The following DAB1 variants were observed in gnomAD, a reference collection of about 807,000 sequenced individuals.
DAB1 encodes the protein DAB adaptor protein 1, also known as disabled homolog 1.
In DAB1, 15 loss-of-function variants were observed where a neutral mutation model predicts 64.6. That is an observed-to-expected ratio of 0.23 (90% CI 0.16 to 0.36). The LOEUF is 0.36. Ranked by LOEUF, DAB1 falls within the 10% of genes least tolerant of loss-of-function variation. The pLI is 1.00. For missense variants in DAB1, 596 were observed against 706.7 expected (o/e 0.84, Z 1.78); for synonymous variants, 235 against 251.9 (o/e 0.93, Z 0.64).
intron 2 of DAB1, among the ~76,000 whole-genome samples, chr1:58,520,514 CAAAT>C (rs1196629987): frequency 3.3e-5 from 5 of 152,058 alleles, no homozygotes; most frequent in African/African-American, 7.2e-5. Flanking sequence ...GCAAATTAAA[CAAAT>C]AGACTAACTT....
chr1:57,088,364 C>G (rs1423674331), intron 4 of DAB1, among the ~76,000 whole-genome samples: 1 of 152,182 alleles, frequency 6.6e-6, no homozygotes, highest in Non-Finnish European at 1.5e-5. Context: ...AGCCAGTGAG[C>G]CTGGCCCCAC....
chr1:57,995,376 A>C (rs1355032715), intron 5 of DAB1, among the ~76,000 whole-genome samples: 3 of 152,210 alleles, frequency 2.0e-5, no homozygotes, highest in Non-Finnish European at 4.4e-5. Context: ...AGGAATTGCC[A>C]GGGACTCTTT....
At chr1:58,154,731 A>G (rs1655129555) in intron 4 of DAB1, among the ~76,000 whole-genome samples, 1 of 152,120 alleles carries the variant, frequency 6.6e-6, no homozygotes, top group African/African-American at 2.4e-5. Context: ...GGTAGAGAAG[A>G]AGAAAAGGGA....
intron 5 of DAB1, among the ~76,000 whole-genome samples, chr1:58,089,236 A>C (rs1650496103): frequency 6.6e-6 from 1 of 152,212 alleles, no homozygotes; most frequent in South Asian, 2.1e-4. Context: ...GGAAGACGTT[A>C]ATTTCTCTGA....
intron 5 of DAB1, among the ~76,000 whole-genome samples, chr1:57,967,340 C>T (rs913870463): frequency 4.6e-5 from 7 of 152,144 alleles, no homozygotes; most frequent in African/African-American, 1.4e-4. Flanking sequence ...ACAAGGAAGC[C>T]AGATGACCCG....
In DAB1 at chr1:57,553,548, T is replaced by A. The variant is rs1020624746; in HGVS notation, n.625+96044A>T. Among the ~76,000 whole-genome samples the A allele has an allele frequency of 1.0e-3, 150 of 149,630 alleles. 1 individual carries two copies. The Middle Eastern group carries it at 0.018, about 18-fold the overall frequency. On this transcript the variant is annotated intron_variant and non_coding_transcript_variant, in intron 7 of 20. Transcript: ENST00000485760. ...GGCATGTACAACAAATTCAGACCAC[T>A]AGGAAAACAACTTAAAAGCCTCCCT... is the stretch of plus-strand genomic sequence containing the variant.
At position 58,379,338 on chromosome 1, in the gene DAB1, A is replaced by T. The variant is rs145595124; in HGVS notation, n.258-35935T>A. Among the ~76,000 whole-genome samples the T allele has an allele frequency of 2.4e-3, 370 of 152,382 alleles. 5 individuals are homozygous for T. Among genetic ancestry groups the T allele is most frequent in the Admixed American group, 0.022 (344 of 15,308 alleles). On this transcript the variant is annotated intron_variant and non_coding_transcript_variant, in intron 3 of 20. Coordinates refer to the DAB1 transcript ENST00000485760. The stretch of plus-strand genomic sequence containing the variant: ...TTTAAATCATTTAGTAAATGTAGCA[A>T]TACCACATACTACTACTAATGGCTC...
At chr1:58,333,161 G>A (rs568344044) in intron 4 of DAB1, among the ~76,000 whole-genome samples, 47 of 152,132 alleles carry the variant, frequency 3.1e-4, no homozygotes, top group South Asian at 6.2e-4. Flanking sequence ...TTTTCCCTGC[G>A]GAGAGGGGAA....
chr1:58,358,643 T>C (rs1644133347), intron 3 of DAB1, among the ~76,000 whole-genome samples: 1 of 152,094 alleles, frequency 6.6e-6, no homozygotes, highest in Non-Finnish European at 1.5e-5. Context: ...AAAACGATGG[T>C]GATAAAAGAC....
intron 2 of DAB1, among the ~76,000 whole-genome samples, chr1:57,166,577 A>T (rs1310151140): frequency 6.6e-6 from 1 of 152,200 alleles, no homozygotes; most frequent in African/African-American, 2.4e-5. Flanking sequence ...GTTTGGAGAA[A>T]GAAAAGATGA....
At chr1:57,094,136 A>T (rs1570679323) in intron 4 of DAB1, among the ~76,000 whole-genome samples, 1 of 130,744 alleles carries the variant, frequency 7.6e-6, no homozygotes. Context: ...GGAATCTTGG[A>T]GTTGACATCT....
chr1:57,439,834 T>C (rs1685873244), intron 7 of DAB1, among the ~76,000 whole-genome samples: 2 of 152,132 alleles, frequency 1.3e-5, no homozygotes, highest in Admixed American at 6.5e-5. Flanking sequence ...ACAATGATGA[T>C]AGAAGTGAAG....
chr1:58,044,449 G>T (rs1647196961), intron 5 of DAB1, among the ~76,000 whole-genome samples: 1 of 151,420 alleles, frequency 6.6e-6, no homozygotes, highest in Non-Finnish European at 1.5e-5. Flanking sequence ...CTTCCATCTT[G>T]TATGCGACCA....
chr1:57,928,587 G>A (rs967969680), intron 5 of DAB1, among the ~76,000 whole-genome samples: 5 of 152,176 alleles, frequency 3.3e-5, no homozygotes, highest in Admixed American at 1.3e-4. Context: ...CTGTGAATAC[G>A]TGCAGCATAA....
chr1:57,008,097 T>C (rs1646144629), intron 14 of DAB1, among the ~76,000 whole-genome samples: 1 of 152,204 alleles, frequency 6.6e-6, no homozygotes, highest in Admixed American at 6.5e-5. Flanking sequence ...CACCGAAGAT[T>C]ACAGTCCAGC....
intron 6 of DAB1, among the ~76,000 whole-genome samples, chr1:57,651,742 C>G (rs1646258800): frequency 6.6e-6 from 1 of 152,262 alleles, no homozygotes. Context: ...ACCTGGAGCT[C>G]TTAAACACAC....
chr1:57,778,648 T>C (rs1380287406), intron 6 of DAB1, among the ~76,000 whole-genome samples: 1 of 152,108 alleles, frequency 6.6e-6, no homozygotes, highest in Non-Finnish European at 1.5e-5. Context: ...AAAAATATTC[T>C]ACTTAGAGTT....
intron 7 of DAB1, among the ~76,000 whole-genome samples, chr1:57,468,739 C>G (rs1687040526): frequency 6.6e-6 from 1 of 152,180 alleles, no homozygotes; most frequent in Non-Finnish European, 1.5e-5. Flanking sequence ...CCATTTCAAA[C>G]AAGCCAGAAC....
intron 6 of DAB1, among the ~76,000 whole-genome samples, chr1:57,818,078 C>A (rs852758): frequency 0.6 from 91,844 of 151,982 alleles, 28,042 homozygotes; most frequent in African/African-American, 0.68. Context: ...GTTGAAAAAG[C>A]ACCATATGTA....
Sources: allele counts gnomAD v4.1 joint callset (sites outside exome capture counted in the v4.1 genomes callset), GRCh38; gene constraint gnomAD v4.1.1; transcripts MANE v1.5; gene names NCBI Gene and HGNC (gene_info 2026-07-23, HGNC 2026-07-21).